Variants in PCDH11X observed in about 807,000 individuals in gnomAD.
PCDH11X encodes protocadherin 11 X-linked, also known as protocadherin-11 X-linked.
PCDH11X carries 18 observed loss-of-function variants against 53.3 expected under a neutral mutation model. That is an observed-to-expected ratio of 0.34 (90% CI 0.23 to 0.50). The LOEUF is 0.50. Ranked by LOEUF, PCDH11X falls within the 20% of genes least tolerant of loss-of-function variation. The probability of loss-of-function intolerance (pLI) is 0.98; values close to 1 mark genes in which losing one functional copy is unlikely to be tolerated. For synonymous variants in PCDH11X, 279 were observed against 393.3 expected, an observed-to-expected ratio of 0.71 and a Z score of 3.44; for missense variants, 570 against 1,032.4, an observed-to-expected ratio of 0.55 and a Z score of 6.14.
rs1277150222 is a variant in PCDH11X, at chrX:91,886,986, AGAAAAG to A, written c.3033+7714_3033+7719del. 1.6e-4 allele frequency among the ~76,000 whole-genome samples: 14 copies of A among 87,845 alleles called. No individual in the cohort carries two copies. In the East Asian group the frequency reaches 3.0e-3, roughly 19 times the overall value. The allele number at this position is 87,845 out of a possible 115,157, so 76.3% of individuals were successfully genotyped here. ...ACTCCATCTCAAAAAAAAAAAAAAA[AGAAAAG>A]AAAAGAAAAGAAAATATATATATAC... is the stretch of plus-strand genomic sequence containing the variant. On this transcript the variant is annotated intron_variant, in intron 6 of 10. Transcript: ENST00000682573.
intron 4 of PCDH11X, 62 bp downstream of exon 4, chrX:91,811,357 A>G: frequency 1.0e-6 from 1 of 994,864 alleles, no homozygotes; most frequent in Non-Finnish European, 1.4e-6. Flanking sequence ...TTTCAGGAGT[A>G]GTAATTTTGT....
intron 5 of PCDH11X, among the ~76,000 whole-genome samples, chrX:91,848,014 G>T (rs1937782906): frequency 9.0e-6 from 1 of 111,190 alleles, no homozygotes. Context: ...GTTTTCAGAA[G>T]CTCAATGTGT....
At chrX:92,542,796 G>C (rs2074779750) in intron 10 of PCDH11X, among the ~76,000 whole-genome samples, 1 of 111,121 alleles carries the variant, frequency 9.0e-6, no homozygotes, top group Non-Finnish European at 1.9e-5. Context: ...TCTAGTGGCA[G>C]AAATCTACAA....
chrX:92,409,509 G>A (rs556177038), intron 9 of PCDH11X, among the ~76,000 whole-genome samples: 3 of 112,037 alleles, frequency 2.7e-5, no homozygotes, highest in Non-Finnish European at 3.8e-5. Flanking sequence ...ATTGGTGAAC[G>A]GGCTATCTGA....
At position 92,286,431 on chromosome X, in the gene PCDH11X, G is replaced by A. The variant is rs192018305; in HGVS notation, c.3144+23288G>A. 6.5e-3 allele frequency among the ~76,000 whole-genome samples: 552 copies of A among 84,290 alleles called. 8 individuals are homozygous for A. The highest frequency in any genetic ancestry group is 0.025 in the African/African-American group (538 of 21,600). 73.2% of individuals were successfully genotyped at this position (84,290 alleles called of 115,157 possible). A position where few individuals can be genotyped will look rare whatever the true frequency, so the allele number is the denominator to read the frequency against. ...AGAAGTTAAGCATTGTTCCTCTTAA[G>A]GTTTTAAATAAAATTCAAAAAGTAA... On this transcript the variant is annotated intron_variant, in intron 8 of 10. Transcript: ENST00000682573.
intron 8 of PCDH11X, among the ~76,000 whole-genome samples, chrX:92,380,385 C>A (rs2148563890): frequency 8.9e-6 from 1 of 112,062 alleles, no homozygotes; most frequent in Non-Finnish European, 1.9e-5. Flanking sequence ...GCCTGCCAAG[C>A]CGAGTGGGTG....
intron 6 of PCDH11X, among the ~76,000 whole-genome samples, chrX:91,947,988 A>G (rs1228542416): frequency 1.0e-5 from 1 of 96,173 alleles, no homozygotes; most frequent in Non-Finnish European, 2.1e-5. Flanking sequence ...GGCTCCTGAG[A>G]CCTCTGAAAT....
chrX:92,256,082 C>T (rs975335297), intron 7 of PCDH11X, among the ~76,000 whole-genome samples: 3 of 112,175 alleles, frequency 2.7e-5, no homozygotes, highest in South Asian at 7.4e-4. Flanking sequence ...TAGCAATCAG[C>T]GAGACTCCGT....
intron 4 of PCDH11X, among the ~76,000 whole-genome samples, chrX:91,820,775 A>C (rs1247414891): frequency 2.0e-5 from 2 of 102,266 alleles, no homozygotes; most frequent in Non-Finnish European, 1.9e-5. Flanking sequence ...GGTAATGCCT[A>C]GGCTTTCTTC....
intron 6 of PCDH11X, among the ~76,000 whole-genome samples, chrX:91,919,066 T>C (rs1175120923): frequency 1.8e-5 from 2 of 111,808 alleles, no homozygotes; most frequent in Admixed American, 9.5e-5. Flanking sequence ...TACTGTTCAA[T>C]TCAGTAGGGA....
intron 8 of PCDH11X, among the ~76,000 whole-genome samples, chrX:92,270,348 T>C (rs113255238): frequency 0.07 from 7,709 of 110,490 alleles, 473 homozygotes; most frequent in East Asian, 0.27. Flanking sequence ...GGCCTCGAAC[T>C]CCTGACCTCA....
intron 6 of PCDH11X, among the ~76,000 whole-genome samples, chrX:92,071,218 T>C (rs2063697675): frequency 9.0e-6 from 1 of 110,921 alleles, no homozygotes; most frequent in African/African-American, 3.3e-5. Context: ...TATTTTTAAA[T>C]AACCTGTCTT....
intron 10 of PCDH11X, among the ~76,000 whole-genome samples, chrX:92,537,042 T>C (rs2074671532): frequency 8.9e-6 from 1 of 111,769 alleles, no homozygotes; most frequent in African/African-American, 3.3e-5. Flanking sequence ...ATTGCATTAT[T>C]GAATTTTTTC....
chrX:92,211,698 TAATC>T (rs2066589123), intron 7 of PCDH11X, among the ~76,000 whole-genome samples: 1 of 112,011 alleles, frequency 8.9e-6, no homozygotes, highest in African/African-American at 3.2e-5. Flanking sequence ...GGAATTTGGC[TAATC>T]AGTTTTCATA....
At chrX:92,121,571 A>G (rs1209335327) in intron 6 of PCDH11X, among the ~76,000 whole-genome samples, 5 of 111,692 alleles carry the variant, frequency 4.5e-5, no homozygotes, top group Non-Finnish European at 9.4e-5. Flanking sequence ...ATCAGTGCAC[A>G]CTTGTCCTCA....
At chrX:92,398,402 G>A (rs1373184771) in intron 9 of PCDH11X, among the ~76,000 whole-genome samples, 1 of 111,408 alleles carries the variant, frequency 9.0e-6, no homozygotes, top group Non-Finnish European at 1.9e-5. Context: ...TGAACTTTCA[G>A]AGCTGCTTTA....
intron 6 of PCDH11X, among the ~76,000 whole-genome samples, chrX:92,134,267 G>A (rs1208266123): frequency 9.0e-6 from 1 of 110,760 alleles, no homozygotes; most frequent in African/African-American, 3.3e-5. Context: ...AGGGAGGTAT[G>A]TCGTTTTTTT....
At chrX:92,275,603 G>A (rs2068068907) in intron 8 of PCDH11X, among the ~76,000 whole-genome samples, 1 of 111,777 alleles carries the variant, frequency 8.9e-6, no homozygotes, top group East Asian at 2.8e-4. Flanking sequence ...GGATAGGAGA[G>A]TATATGGGTT....
chrX:92,022,920 G>A (rs1017971422), intron 6 of PCDH11X, among the ~76,000 whole-genome samples: 4 of 109,497 alleles, frequency 3.7e-5, no homozygotes, highest in African/African-American at 1.3e-4. Context: ...AATGACTCCT[G>A]GGAAAATAAT....
Sources: gnomAD v4.1 joint callset for allele counts (sites outside exome capture counted in the v4.1 genomes callset) on GRCh38, gnomAD v4.1.1 for gene constraint, MANE v1.5 for transcripts, NCBI Gene and HGNC (gene_info 2026-07-23, HGNC 2026-07-21) for gene names.